The following ZNF473 variants were observed in gnomAD, a reference collection of about 807,000 sequenced individuals.
ZNF473 encodes the protein zinc finger protein 100 homolog.
A neutral mutation model predicts 11.1 loss-of-function variants in ZNF473; 4 were observed. The ratio of observed to expected loss-of-function variants is 0.36; its 90% CI spans 0.18 to 0.82. The LOEUF (loss-of-function observed/expected upper bound fraction) is 0.82. Among genes scored for constraint, ZNF473 ranks in the 40% least tolerant of loss-of-function variants. ZNF473 has a pLI of 0.49. For synonymous variants in ZNF473, 404 were observed against 390.4 expected (o/e 1.03, Z -0.41); for missense variants, 854 against 1,084.0 (o/e 0.79, Z 2.98).
intron 1 of ZNF473, among the ~76,000 whole-genome samples, chr19:50,028,253 G>A (rs1188460128): frequency 6.7e-6 from 1 of 149,906 alleles, no homozygotes; most frequent in Non-Finnish European, 1.5e-5. Context: ...AGCTGAGATC[G>A]CGCCACTGCA....
intron 2 of ZNF473, among the ~76,000 whole-genome samples, chr19:50,038,723 T>A (rs1332168346): frequency 6.6e-6 from 1 of 152,120 alleles, no homozygotes; most frequent in Non-Finnish European, 1.5e-5. Flanking sequence ...GGTCTAGGTG[T>A]TCAGTGATTA....
rs572963893 is a variant in ZNF473, at chr19:50,047,571, T to G, written c.*512T>G. On this transcript the variant is annotated 3_prime_UTR_variant, in exon 5 of 5. Coordinates refer to ENST00000270617, the MANE Select transcript of ZNF473 (RefSeq NM_015428.4). ...TGTTCTTACAATGTATCGCTTTTAA[T>G]TTAAGTTTTCCTTTTTTACAGTTTT... 6.5e-6 allele frequency: 1 copy of G among 153,434 alleles called. No homozygotes were observed. Among genetic ancestry groups the G allele is most frequent in the African/African-American group, 2.4e-5 (1 of 41,586 alleles). 9.5% of individuals were successfully genotyped at this position (153,434 alleles called of 1,614,324 possible).
At chr19:50,042,018 G>A (rs1419122918) in intron 4 of ZNF473, 199 bp downstream of exon 4, 11 of 453,548 alleles carry the variant, frequency 2.4e-5, no homozygotes, top group Non-Finnish European at 3.9e-5. Context: ...CTCACTCTGG[G>A]GTCTCTCTAC....
In ZNF473 at chr19:50,046,760, C is replaced by T. The variant is rs761229914; in HGVS notation, c.2317C>T (p.Leu773Phe). 1 of 1,614,194 alleles carries T rather than the reference C, an allele frequency of 6.2e-7. No homozygotes were observed. Among genetic ancestry groups the T allele is most frequent in the Non-Finnish European group, 8.5e-7 (1 of 1,180,028 alleles). Residue 773 changes from leucine (L) to phenylalanine (F), a missense_variant, in exon 5 of 5, where the codon CTT becomes TTT. Leu to Phe is a conservative substitution (Grantham distance 22). This residue lies in a region of ZNF473 where 186 missense variants were observed against 293.8 expected (regional missense o/e 0.63). Transcript: ENST00000270617. The surrounding 1 kb of genome is among the most constrained non-coding windows in gnomAD (Gnocchi z 5.9). Reference protein sequence around the residue: ...CGKAFTQSSCLSIHRRVHTGE... With the variant: ...CGKAFTQSSCFSIHRRVHTGE... ...GAAAGCCTTCACCCAGAGCTCATGCCTTTCTATTCACCGGAGAGTTCACAC... is the reference window on the plus strand; with the variant it reads ...GAAAGCCTTCACCCAGAGCTCATGCTTTTCTATTCACCGGAGAGTTCACAC...
intron 2 of ZNF473, among the ~76,000 whole-genome samples, chr19:50,033,419 A>G (rs532401245): frequency 6.6e-6 from 1 of 152,034 alleles, no homozygotes; most frequent in Non-Finnish European, 1.5e-5. Flanking sequence ...AGATCATTGT[A>G]TGGTCTCTGT....
rs1979148463 is a variant in ZNF473, at chr19:50,046,701, C to T, written c.2258C>T (p.Thr753Ile). 18 of 1,614,102 alleles carry T rather than the reference C, an allele frequency of 1.1e-5. No individual in the cohort carries two copies. The highest frequency in any genetic ancestry group is 1.7e-5 in the Admixed American group (1 of 60,010). Residue 753 changes from threonine (T) to isoleucine (I), a missense_variant, in exon 5 of 5, where the codon ACT becomes ATT. Physicochemically the swap from Thr to Ile is moderately conservative, Grantham distance 89. Transcript: ENST00000270617. This position sits in a 1 kb window ranked among gnomAD's most constrained non-coding sequence, Gnocchi z 5.9. ...CTTGTCCGCCACCAGAGAATTCACACTGGAGAAAAGCCTTATGTTTGTCAG... is the reference window on the plus strand; with the variant it reads ...CTTGTCCGCCACCAGAGAATTCACATTGGAGAAAAGCCTTATGTTTGTCAG... The part of the protein sequence containing the change: ...AELVRHQRIH[T>I]GEKPYVCQEC...
rs1434122363 is a variant in ZNF473, at chr19:50,039,132, T to G, written c.10-29T>G. 3 of 1,613,002 alleles carry G rather than the reference T, an allele frequency of 1.9e-6. No individual in the cohort carries two copies. The highest frequency in any genetic ancestry group is 2.2e-5 in the East Asian group (1 of 44,838). Reference sequence around the variant, plus strand: ...TGGGCTCCTCCCTGACCCCAGCCTCTGAGTGACCAATAGTGTACTGTGTTT... The same window carrying G: ...TGGGCTCCTCCCTGACCCCAGCCTCGGAGTGACCAATAGTGTACTGTGTTT... On this transcript the variant is annotated intron_variant, in intron 2 of 4. Coordinates refer to ENST00000270617, the MANE Select transcript of ZNF473 (RefSeq NM_015428.4). This position sits in a 1 kb window ranked among gnomAD's most constrained non-coding sequence, Gnocchi z 4.8.
At chr19:50,038,565 G>A (rs917927739) in intron 2 of ZNF473, among the ~76,000 whole-genome samples, 14 of 152,344 alleles carry the variant, frequency 9.2e-5, no homozygotes, top group African/African-American at 3.4e-4. Context: ...GGAGGATGTA[G>A]AAGGCACAGC....
At chr19:50,029,639 C>T (rs1469067350) in intron 1 of ZNF473, among the ~76,000 whole-genome samples, 1 of 152,208 alleles carries the variant, frequency 6.6e-6, no homozygotes, top group Non-Finnish European at 1.5e-5. Flanking sequence ...TTGGTCCACG[C>T]AGTGGATACA....
chr19:50,027,410 G>T (rs2077291748), intron 1 of ZNF473, among the ~76,000 whole-genome samples: 1 of 152,144 alleles, frequency 6.6e-6, no homozygotes, highest in East Asian at 1.9e-4. Context: ...AAGGTAAATG[G>T]TCTGGAAGGA....
rs1979199685 is a variant in ZNF473, at chr19:50,047,333, T to C, written c.*274T>C. 2.7e-6 allele frequency: 1 copy of C among 372,554 alleles called. No individual in the cohort carries two copies. Among genetic ancestry groups the C allele is most frequent in the South Asian group, 3.7e-5 (1 of 27,070 alleles). The allele number at this position is 372,554 out of a possible 1,614,324, so 23.1% of individuals were successfully genotyped here. The stretch of plus-strand genomic sequence containing the variant: ...AGTGACCTTGGGAAGGTCAGAAAAA[T>C]CTCTCAGGGCCTCGGTGTCCTTATC... On this transcript the variant is annotated 3_prime_UTR_variant, in exon 5 of 5. Coordinates refer to ENST00000270617, the MANE Select transcript of ZNF473 (RefSeq NM_015428.4).
At chr19:50,044,523 G>C (rs1428732839) in intron 4 of ZNF473, 147 bp from the exon 5 acceptor site, 2 of 641,550 alleles carry the variant, frequency 3.1e-6, no homozygotes, top group Admixed American at 2.9e-5. Context: ...AATGGGCTCT[G>C]TCTGTTTTCT....
At chr19:50,026,566 A>AG (rs1555858077) in intron 1 of ZNF473, among the ~76,000 whole-genome samples, 11 of 145,690 alleles carry the variant, frequency 7.6e-5, no homozygotes, top group East Asian at 2.0e-4. Flanking sequence ...AAAAAAAAAA[A>AG]AAAGAAAGGA....
At chr19:50,038,401 G>A (rs925557255) in intron 2 of ZNF473, among the ~76,000 whole-genome samples, 20 of 152,006 alleles carry the variant, frequency 1.3e-4, no homozygotes, top group African/African-American at 4.8e-4. Context: ...TACCACCTGT[G>A]AGTGGGTCTT....
Position 50,046,733 on chromosome 19 carries a change from G to A in ZNF473, c.2290G>A (p.Gly764Arg), listed in dbSNP as rs1979150983. Residue 764 changes from glycine (G) to arginine (R), a missense_variant, in exon 5 of 5, where the codon GGG becomes AGG. Gly to Arg is a moderately radical substitution (Grantham distance 125). Transcript: ENST00000270617. This position sits in a 1 kb window ranked among gnomAD's most constrained non-coding sequence, Gnocchi z 5.9. ...AAAGCCTTATGTTTGTCAGGAATGCGGGAAAGCCTTCACCCAGAGCTCATG... is the reference window on the plus strand; with the variant it reads ...AAAGCCTTATGTTTGTCAGGAATGCAGGAAAGCCTTCACCCAGAGCTCATG... ...GEKPYVCQEC[G>R]KAFTQSSCLS... 2.5e-6 allele frequency: 4 copies of A among 1,614,192 alleles called. No homozygotes were observed. The highest frequency in any genetic ancestry group is 2.7e-5 in the African/African-American group (2 of 75,064).
chr19:50,044,742 A>G lies in ZNF473; in HGVS notation c.299A>G (p.Glu100Gly), dbSNP rs1978966423. The stretch of plus-strand genomic sequence containing the variant: ...GAAGGATTCTCCCAGGAGATTATAG[A>G]GATGTTATCCAAGGATGGCTTCTGG... ...FEEGFSQEII[E>G]MLSKDGFWNS... is the part of the protein sequence containing the mutation. Residue 100 changes from glutamate to glycine, a missense_variant, in exon 5 of 5, where the codon GAG becomes GGG. Physicochemically the swap from Glu to Gly is moderately conservative, Grantham distance 98. Around this residue, in one of 2 missense-constraint regions of ZNF473, gnomAD observed 668 missense variants for 790.2 expected, o/e 0.85. Transcript: ENST00000270617. The G allele has an allele frequency of 1.2e-6, 2 of 1,614,070 alleles. No homozygotes were observed. Among genetic ancestry groups the G allele is most frequent in the Non-Finnish European group, 1.7e-6 (2 of 1,180,028 alleles).
In ZNF473 at chr19:50,047,558, G is replaced by A. The variant is rs907103718; in HGVS notation, c.*499G>A. 1.3e-5 allele frequency: 2 copies of A among 153,588 alleles called. No individual in the cohort carries two copies. Among genetic ancestry groups the A allele is most frequent in the African/African-American group, 4.8e-5 (2 of 41,458 alleles). 9.5% of individuals were successfully genotyped at this position (153,588 alleles called of 1,614,324 possible). ...TTACTGTAGTTAATGTTCTTACAAT[G>A]TATCGCTTTTAATTTAAGTTTTCCT... On this transcript the variant is annotated 3_prime_UTR_variant, in exon 5 of 5. Coordinates refer to ENST00000270617, the MANE Select transcript of ZNF473 (RefSeq NM_015428.4).
chr19:50,044,691 C>T lies in ZNF473; in HGVS notation c.248C>T (p.Ser83Phe). ...TSPDVTETKN[S>F]PLMEDFFEEG... ...TCAGATGTGACTGAGACCAAGAACT[C>T]TCCTCTGATGGAGGATTTCTTCGAA... Residue 83 changes from serine to phenylalanine, a missense_variant, in exon 5 of 5, where the codon TCT (serine) becomes TTT (phenylalanine). By Grantham distance (155) the Ser-to-Phe change is radical. Around this residue, in one of 2 missense-constraint regions of ZNF473, gnomAD observed 668 missense variants for 790.2 expected, o/e 0.85. Coordinates refer to ENST00000270617, the MANE Select transcript of ZNF473 (RefSeq NM_015428.4). The T allele has an allele frequency of 6.2e-7, 1 of 1,611,672 alleles. No homozygotes were observed. Among genetic ancestry groups the T allele is most frequent in the Non-Finnish European group, 8.5e-7 (1 of 1,178,796 alleles).
At chr19:50,032,697 TTGG>T in intron 2 of ZNF473, among the ~76,000 whole-genome samples, 1 of 151,938 alleles carries the variant, frequency 6.6e-6, no homozygotes, top group African/African-American at 2.4e-5. Flanking sequence ...ACAACAGAAA[TTGG>T]TGGTCTCCCA....
Sources: allele counts gnomAD v4.1 joint callset (sites outside exome capture counted in the v4.1 genomes callset), GRCh38; gene constraint gnomAD v4.1.1; regional missense constraint gnomAD v4.1.1; non-coding constraint Gnocchi (gnomAD v3.1); transcripts MANE v1.5; gene names NCBI Gene and HGNC (gene_info 2026-07-23, HGNC 2026-07-21).